The following FHIT variants were observed in gnomAD, a reference collection of about 807,000 sequenced individuals.
FHIT encodes fragile histidine triad diadenosine triphosphatase.
A neutral mutation model predicts 17.9 loss-of-function variants in FHIT; 19 were observed. The ratio of observed to expected loss-of-function variants is 1.06; its 90% CI spans 0.74 to 1.56. The LOEUF (loss-of-function observed/expected upper bound fraction) is 1.56, where lower values mean the gene tolerates loss of function less well. FHIT is among the 40% of genes most tolerant of loss of function. The probability of loss-of-function intolerance (pLI) is 0.00; values close to 1 mark genes in which losing one functional copy is unlikely to be tolerated. For missense variants in FHIT, 248 were observed against 189.2 expected (o/e 1.31, Z -1.82); for synonymous variants, 81 against 69.7 (o/e 1.16, Z -0.81).
intron 7 of FHIT, among the ~76,000 whole-genome samples, chr3:59,961,845 G>A (rs1168238403): frequency 6.6e-6 from 1 of 152,150 alleles, no homozygotes; most frequent in Non-Finnish European, 1.5e-5. Flanking sequence ...GTAGCCCAGA[G>A]CTGTTCCTAT....
intron 5 of FHIT, among the ~76,000 whole-genome samples, chr3:60,095,229 G>C (rs1190967392): frequency 2.0e-5 from 3 of 152,150 alleles, no homozygotes; most frequent in Non-Finnish European, 4.4e-5. Flanking sequence ...AAACTTCTAG[G>C]ATTCTAGATA....
intron 5 of FHIT, among the ~76,000 whole-genome samples, chr3:60,409,086 A>T (rs567694363): frequency 1.4e-4 from 22 of 152,188 alleles, no homozygotes; most frequent in Non-Finnish European, 3.1e-4. Flanking sequence ...CTTCTCAGCA[A>T]AACAGGAGAG....
At chr3:61,081,973 T>C (rs1182806336) in intron 2 of FHIT, among the ~76,000 whole-genome samples, 4 of 152,140 alleles carry the variant, frequency 2.6e-5, no homozygotes, top group Non-Finnish European at 5.9e-5. Flanking sequence ...TGTCAACTTC[T>C]TTCTATACCC....
chr3:61,239,782 T>TATATATATATATATATATATATATATAC (rs895030251), intron 1 of FHIT, among the ~76,000 whole-genome samples: 79 of 143,940 alleles, frequency 5.5e-4, no homozygotes, highest in Non-Finnish European at 9.5e-4. Context: ...TATATATATA[T>TATATATATATATATATATATATATATAC]ATACACAAAT....
chr3:60,171,013 G>C (rs912359196), intron 5 of FHIT, among the ~76,000 whole-genome samples: 15 of 152,164 alleles, frequency 9.9e-5, no homozygotes, highest in African/African-American at 3.4e-4. Flanking sequence ...AAAAGAAAAG[G>C]CCCAACTTTC....
At chr3:60,244,513 G>A (rs950564088) in intron 5 of FHIT, among the ~76,000 whole-genome samples, 16 of 152,038 alleles carry the variant, frequency 1.1e-4, no homozygotes, top group African/African-American at 3.9e-4. Flanking sequence ...AAGATTTCAT[G>A]TTGATTAACA....
chr3:60,381,216 A>C lies in FHIT; in HGVS notation c.103+155644T>G, dbSNP rs561901750. Among the ~76,000 whole-genome samples the C allele has an allele frequency of 3.9e-5, 6 of 152,232 alleles. No homozygotes were observed. The East Asian group carries it at 1.2e-3, about 29-fold the overall frequency. On this transcript the variant is annotated intron_variant, in intron 5 of 9. Transcript: ENST00000492590. The stretch of plus-strand genomic sequence containing the variant: ...AAACAGGCTGGGCACGGTGGCTCAC[A>C]CCTGTAATCCCAGCACTTTGGGAGG...
intron 5 of FHIT, among the ~76,000 whole-genome samples, chr3:60,067,258 A>T (rs868515568): frequency 6.6e-6 from 1 of 152,206 alleles, no homozygotes; most frequent in Middle Eastern, 3.2e-3. Flanking sequence ...CTAAATAGAT[A>T]TGGAAGTCTA....
At chr3:60,416,048 A>T (rs2107243522) in intron 5 of FHIT, among the ~76,000 whole-genome samples, 1 of 151,582 alleles carries the variant, frequency 6.6e-6, no homozygotes, top group South Asian at 2.1e-4. Flanking sequence ...TTATTAAATT[A>T]TTACTTTTAA....
chr3:59,868,607 C>T (rs1356908030), intron 8 of FHIT, among the ~76,000 whole-genome samples: 1 of 152,166 alleles, frequency 6.6e-6, no homozygotes, highest in Non-Finnish European at 1.5e-5. Flanking sequence ...CAAATATTAC[C>T]CTTGCCTCCA....
At chr3:59,798,030 C>T (rs1011878866) in intron 8 of FHIT, among the ~76,000 whole-genome samples, 1 of 152,176 alleles carries the variant, frequency 6.6e-6, no homozygotes, top group South Asian at 2.1e-4. Flanking sequence ...CCCAAAGAGG[C>T]TGCCCATTTG....
intron 4 of FHIT, among the ~76,000 whole-genome samples, chr3:60,710,834 T>C (rs2041507668): frequency 6.6e-6 from 1 of 152,190 alleles, no homozygotes; most frequent in Admixed American, 6.5e-5. Flanking sequence ...AGGCTCCACC[T>C]CTGGGGGCAG....
intron 7 of FHIT, among the ~76,000 whole-genome samples, chr3:59,960,491 T>G (rs916789476): frequency 1.3e-5 from 2 of 152,132 alleles, no homozygotes; most frequent in African/African-American, 4.8e-5. Context: ...TTGGGCATCC[T>G]AGTGGAGTGG....
chr3:60,163,538 T>C (rs1027376084), intron 5 of FHIT, among the ~76,000 whole-genome samples: 43 of 152,096 alleles, frequency 2.8e-4, no homozygotes, highest in Admixed American at 2.8e-3. Context: ...GGTTCCCCTG[T>C]CAAGAAAACT....
intron 5 of FHIT, among the ~76,000 whole-genome samples, chr3:60,189,241 G>A (rs372800317): frequency 1.3e-5 from 2 of 151,820 alleles, no homozygotes; most frequent in African/African-American, 2.4e-5. Flanking sequence ...AGCTGGGGGT[G>A]GGGGGGAAAG....
intron 8 of FHIT, 59 bp downstream of exon 8, chr3:59,922,287 A>C: frequency 7.6e-7 from 1 of 1,321,142 alleles, no homozygotes; most frequent in Middle Eastern, 1.8e-4. Flanking sequence ...CATTAGGTTG[A>C]TGTCATCCCA....
intron 4 of FHIT, among the ~76,000 whole-genome samples, chr3:60,584,576 A>T (rs576601165): frequency 6.6e-6 from 1 of 152,146 alleles, no homozygotes; most frequent in East Asian, 1.9e-4. Flanking sequence ...AATATGGTCA[A>T]CTGGAGACTA....
chr3:60,495,762 C>G (rs2034276792), intron 5 of FHIT, among the ~76,000 whole-genome samples: 1 of 151,980 alleles, frequency 6.6e-6, no homozygotes, highest in Non-Finnish European at 1.5e-5. Context: ...AGGTAAAGAA[C>G]AGCCAAAATG....
intron 4 of FHIT, among the ~76,000 whole-genome samples, chr3:60,594,265 A>G (rs1337291468): frequency 3.9e-5 from 6 of 152,222 alleles, no homozygotes; most frequent in African/African-American, 1.4e-4. Context: ...AGCATGTCCT[A>G]AGAAATATAG....
Sources: gnomAD v4.1 joint callset for allele counts (sites outside exome capture counted in the v4.1 genomes callset) on GRCh38, gnomAD v4.1.1 for gene constraint, MANE v1.5 for transcripts, NCBI Gene and HGNC (gene_info 2026-07-23, HGNC 2026-07-21) for gene names.